USP38: variants seen among roughly 807,000 people sequenced by gnomAD.
USP38 encodes the protein ubiquitin specific peptidase 38.
In USP38, 49 loss-of-function variants were observed where a neutral mutation model predicts 94.3. That is an observed-to-expected ratio of 0.52 (90% CI 0.41 to 0.66). The LOEUF (loss-of-function observed/expected upper bound fraction) is 0.66, where lower values mean the gene tolerates loss of function less well. Ranked by LOEUF, USP38 falls within the 30% of genes least tolerant of loss-of-function variation. The pLI is 0.00. For missense variants in USP38, 1,128 were observed against 1,229.4 expected (o/e 0.92, Z 1.23); for synonymous variants, 468 against 463.6 (o/e 1.01, Z -0.12).
Position 143,205,697 on chromosome 4 carries a change from A to G in USP38, c.1210-336A>G, listed in dbSNP as rs116101687. 1.8e-3 allele frequency among the ~76,000 whole-genome samples: 269 copies of G among 152,336 alleles called. 1 individual carries two copies. The highest frequency in any genetic ancestry group is 5.9e-3 in the African/African-American group (246 of 41,588). On this transcript the variant is annotated intron_variant, in intron 5 of 9. Coordinates refer to ENST00000307017, the MANE Select transcript of USP38 (RefSeq NM_032557.6). Reference sequence around the variant, plus strand: ...AGTCTTCATTCTACTGCCTTTGAATAGCACTGCAGTGTATTCTCTGACCCC... The same window carrying G: ...AGTCTTCATTCTACTGCCTTTGAATGGCACTGCAGTGTATTCTCTGACCCC...
chr4:143,223,477 A>T lies in USP38; in HGVS notation c.*3021A>T, dbSNP rs1732374027. The T allele has an allele frequency of 6.6e-6, 1 of 152,028 alleles. No individual in the cohort carries two copies. Among genetic ancestry groups the T allele is most frequent in the Non-Finnish European group, 1.5e-5 (1 of 67,970 alleles). 9.4% of individuals were successfully genotyped at this position (152,028 alleles called of 1,614,324 possible). A position where few individuals can be genotyped will look rare whatever the true frequency, so the allele number is the denominator to read the frequency against. ...GCTAAGTCTTAAGTTCAAATCTATA[A>T]TTTTTTTCTCTTCAGTTCTGTTCTT... On this transcript the variant is annotated 3_prime_UTR_variant, in exon 10 of 10. Transcript: ENST00000307017.
intron 9 of USP38, among the ~76,000 whole-genome samples, chr4:143,220,086 A>T (rs1732283762): frequency 1.3e-5 from 2 of 152,148 alleles, no homozygotes; most frequent in South Asian, 4.1e-4. Flanking sequence ...ATTAGAAAAG[A>T]ATCTATTCCA....
At chr4:143,208,146 C>T (rs1015702506) in intron 6 of USP38, among the ~76,000 whole-genome samples, 8 of 151,932 alleles carry the variant, frequency 5.3e-5, no homozygotes, top group Admixed American at 1.3e-4. Flanking sequence ...AATTTGTATT[C>T]GAAATATTCC....
At position 143,206,115 on chromosome 4, in the gene USP38, C is replaced by T. The variant is rs1216308930; in HGVS notation, c.1292C>T (p.Ser431Phe). 1 of 1,613,578 alleles carries T rather than the reference C, an allele frequency of 6.2e-7. No individual in the cohort carries two copies. The highest frequency in any genetic ancestry group is 1.1e-5 in the South Asian group (1 of 91,002). Residue 431 changes from serine to phenylalanine, a missense_variant, in exon 6 of 10, where the codon TCT becomes TTT. Coordinates refer to ENST00000307017, the MANE Select transcript of USP38 (RefSeq NM_032557.6). Reference sequence around the variant, plus strand: ...ACTTCTCAATCCAATTCTTTGGCGTCTTGCTTGTCTAGACTTTCTGGAAAA... The same window carrying T: ...ACTTCTCAATCCAATTCTTTGGCGTTTTGCTTGTCTAGACTTTCTGGAAAA... The part of the protein sequence containing the change: ...AWTSQSNSLA[S>F]CLSRLSGKSE...
intron 9 of USP38, chr4:143,215,279 A>T: frequency 3.9e-6 from 1 of 256,552 alleles, no homozygotes; most frequent in Non-Finnish European, 7.5e-6. Context: ...AGAGGAAATA[A>T]CTGCTAAATG....
At chr4:143,193,779 A>G (rs1356624101) in intron 2 of USP38, among the ~76,000 whole-genome samples, 1 of 152,272 alleles carries the variant, frequency 6.6e-6, no homozygotes, top group Non-Finnish European at 1.5e-5. Context: ...GAAAATAACC[A>G]TATAAATGAA....
chr4:143,210,948 G>A (rs1304770897), intron 7 of USP38, among the ~76,000 whole-genome samples: 1 of 152,102 alleles, frequency 6.6e-6, no homozygotes, highest in Admixed American at 6.5e-5. Flanking sequence ...TCTGGGGAAA[G>A]TATGTTCACA....
chr4:143,185,220 C>G lies in USP38; in HGVS notation c.-231C>G. ...GAGTACGGGCCTCTGGCGCCTTAGG[C>G]CAGCCGCAGGTGTCGGTTCTTAGGC... is the stretch of plus-strand genomic sequence containing the variant. On this transcript the variant is annotated 5_prime_UTR_variant, in exon 1 of 10. Coordinates refer to ENST00000307017, the MANE Select transcript of USP38 (RefSeq NM_032557.6). 1 of 505,172 alleles carries G rather than the reference C, an allele frequency of 2.0e-6. No homozygotes were observed. Among genetic ancestry groups the G allele is most frequent in the Non-Finnish European group, 3.4e-6 (1 of 290,570 alleles). The allele number at this position is 505,172 out of a possible 1,614,324, so 31.3% of individuals were successfully genotyped here.
Position 143,185,228 on chromosome 4 carries a change from A to G in USP38, c.-223A>G. The G allele has an allele frequency of 1.9e-6, 1 of 515,986 alleles. No homozygotes were observed. Among genetic ancestry groups the G allele is most frequent in the Non-Finnish European group, 3.4e-6 (1 of 297,802 alleles). The allele number at this position is 515,986 out of a possible 1,614,324, so 32.0% of individuals were successfully genotyped here. On this transcript the variant is annotated 5_prime_UTR_variant, in exon 1 of 10. Coordinates refer to ENST00000307017, the MANE Select transcript of USP38 (RefSeq NM_032557.6). ...GCCTCTGGCGCCTTAGGCCAGCCGC[A>G]GGTGTCGGTTCTTAGGCTCTCCAGG...
At chr4:143,215,139 AT>A in intron 9 of USP38, 196 bp downstream of exon 9, 1 of 588,820 alleles carries the variant, frequency 1.7e-6, no homozygotes. Flanking sequence ...AAAAGTGGCA[AT>A]TAGATGTAAT....
intron 9 of USP38, 49 bp downstream of exon 9, chr4:143,214,992 C>A: frequency 6.5e-7 from 1 of 1,547,376 alleles, no homozygotes; most frequent in Non-Finnish European, 8.8e-7. Flanking sequence ...AAACAATTGA[C>A]ACAGTTAAAT....
chr4:143,190,412 C>G (rs1731362460), intron 2 of USP38, among the ~76,000 whole-genome samples: 1 of 152,046 alleles, frequency 6.6e-6, no homozygotes, highest in Non-Finnish European at 1.5e-5. Flanking sequence ...AACAGTGAAT[C>G]CAGTATTTGA....
chr4:143,216,527 C>T (rs1404565982), intron 9 of USP38, among the ~76,000 whole-genome samples: 1 of 151,078 alleles, frequency 6.6e-6, no homozygotes, highest in Non-Finnish European at 1.5e-5. Context: ...GGCTGAAGTG[C>T]AGTGCCGTGA....
At chr4:143,207,221 T>A (rs1357437021) in intron 6 of USP38, among the ~76,000 whole-genome samples, 1 of 152,208 alleles carries the variant, frequency 6.6e-6, no homozygotes, top group Non-Finnish European at 1.5e-5. Context: ...TTGTTATGCC[T>A]GCCCAGAGGA....
intron 4 of USP38, among the ~76,000 whole-genome samples, chr4:143,200,029 C>T (rs760788610): frequency 1.3e-5 from 2 of 152,036 alleles, no homozygotes; most frequent in African/African-American, 2.4e-5. Context: ...CTTTTGGTGT[C>T]TTTGTCATGA....
intron 7 of USP38, 48 bp from the exon 8 acceptor site, chr4:143,212,270 C>G: frequency 7.0e-7 from 1 of 1,423,588 alleles, no homozygotes; most frequent in Non-Finnish European, 9.7e-7. Flanking sequence ...TTACTTGGTT[C>G]ATGCTATAAG....
chr4:143,216,478 A>AT lies in USP38; in HGVS notation c.2967+1549dup, dbSNP rs34645894. Reference sequence around the variant, plus strand: ...GCAAAAATACAATAATAAATATTCAATTTTTTTTTTTTTTGAGACTGTCTC... The same window carrying AT: ...GCAAAAATACAATAATAAATATTCAATTTTTTTTTTTTTTTGAGACTGTCTC... On this transcript the variant is annotated intron_variant, in intron 9 of 9. Transcript: ENST00000307017. Among the ~76,000 whole-genome samples, 976 of 144,686 alleles carry AT rather than the reference A, an allele frequency of 6.7e-3. 6 individuals are homozygous for AT. Among genetic ancestry groups the AT allele is most frequent in the South Asian group, 0.016 (73 of 4,562 alleles). The allele number at this position is 144,686 out of a possible 152,430, so 94.9% of individuals were successfully genotyped here.
chr4:143,188,791 T>C (rs932074268), intron 2 of USP38, among the ~76,000 whole-genome samples: 1 of 151,974 alleles, frequency 6.6e-6, no homozygotes, highest in Non-Finnish European at 1.5e-5. Flanking sequence ...TGCATTCTAG[T>C]TGGGGAGGCA....
In USP38 at chr4:143,222,799, C is replaced by G. The variant is rs575295687; in HGVS notation, c.*2343C>G. ...TAGTAAGGTAATACTCAGGACTGTTCTGATTCTAACAGATCCCTGTTAATT... is the reference window on the plus strand; with the variant it reads ...TAGTAAGGTAATACTCAGGACTGTTGTGATTCTAACAGATCCCTGTTAATT... On this transcript the variant is annotated 3_prime_UTR_variant, in exon 10 of 10. Transcript: ENST00000307017. 2 of 152,074 alleles carry G rather than the reference C, an allele frequency of 1.3e-5. No homozygotes were observed. Among genetic ancestry groups the G allele is most frequent in the South Asian group, 4.1e-4 (2 of 4,826 alleles). 9.4% of individuals were successfully genotyped at this position (152,074 alleles called of 1,614,324 possible). A position where few individuals can be genotyped will look rare whatever the true frequency, so the allele number is the denominator to read the frequency against.
Sources: gnomAD v4.1 joint callset for allele counts (sites outside exome capture counted in the v4.1 genomes callset) on GRCh38, gnomAD v4.1.1 for gene constraint, MANE v1.5 for transcripts, NCBI Gene and HGNC (gene_info 2026-07-23, HGNC 2026-07-21) for gene names.